The following MYH11 variants were observed in gnomAD, a reference collection of about 807,000 sequenced individuals.
The protein encoded by MYH11 is myosin-11.
In MYH11, 80 loss-of-function variants were observed where a neutral mutation model predicts 246.6. The ratio of observed to expected loss-of-function variants is 0.32; its 90% CI spans 0.27 to 0.39. MYH11 has a LOEUF of 0.39. MYH11 is among the 10% of genes least tolerant of loss of function. The pLI is 1.00. For missense variants in MYH11, 2,158 were observed against 2,546.8 expected (o/e 0.85, Z 3.29); for synonymous variants, 1,071 against 1,015.5 (o/e 1.05, Z -1.04).
At chr16:15,813,845 A>G (rs1338348860) in intron 3 of MYH11, among the ~76,000 whole-genome samples, 6 of 140,508 alleles carry the variant, frequency 4.3e-5, no homozygotes, top group South Asian at 4.4e-4. Context: ...AAGAGGGGGG[A>G]AAAGGCAAAA....
intron 31 of MYH11, among the ~76,000 whole-genome samples, chr16:15,722,435 T>C (rs1381565796): frequency 6.6e-6 from 1 of 152,142 alleles, no homozygotes; most frequent in African/African-American, 2.4e-5. Context: ...GATTATAAAT[T>C]GTAACATCCA....
intron 1 of MYH11, among the ~76,000 whole-genome samples, chr16:15,843,526 T>TAA (rs34718696): frequency 1.6e-5 from 2 of 127,914 alleles, no homozygotes; most frequent in Non-Finnish European, 3.4e-5. Flanking sequence ...CTGTCTCTAC[T>TAA]AAAAAAAAAA....
chr16:15,722,567 T>G (rs566320183), intron 31 of MYH11, among the ~76,000 whole-genome samples: 81 of 151,886 alleles, frequency 5.3e-4, no homozygotes, highest in Non-Finnish European at 9.7e-4. Flanking sequence ...AAAAGCAACC[T>G]CAGGCCTTCA....
chr16:15,737,682 C>T, intron 24 of MYH11, 62 bp from the exon 25 acceptor site: 5 of 1,588,312 alleles, frequency 3.1e-6, no homozygotes, highest in South Asian at 1.1e-5. Context: ...GGAAATGAGC[C>T]TTCCTGCCCA....
In MYH11 at chr16:15,847,265, T is replaced by TTTTTTTTTTTTTTTTTTTTTC. The variant is rs574635258; in HGVS notation, c.-17-8997_-17-8996insGAAAAAAAAAAAAAAAAAAAA. 3.4e-5 allele frequency among the ~76,000 whole-genome samples: 4 copies of TTTTTTTTTTTTTTTTTTTTTC among 116,134 alleles called. 1 individual carries two copies. Among genetic ancestry groups the TTTTTTTTTTTTTTTTTTTTTC allele is most frequent in the Non-Finnish European group, 3.9e-5 (2 of 51,080 alleles). The allele number at this position is 116,134 out of a possible 152,430, so 76.2% of individuals were successfully genotyped here. A position where few individuals can be genotyped will look rare whatever the true frequency, so the allele number is the denominator to read the frequency against. On this transcript the variant is annotated intron_variant, in intron 1 of 40. Coordinates refer to ENST00000300036, the MANE Select transcript of MYH11 (RefSeq NM_002474.3). ...GGACTTCTTTTTTTTTTTTTTTTTT[T>TTTTTTTTTTTTTTTTTTTTTC]TCTGAGACAGGGTCTTGCTCTGTCG...
chr16:15,848,255 CAG>C (rs2044248509), intron 1 of MYH11, among the ~76,000 whole-genome samples: 1 of 122,052 alleles, frequency 8.2e-6, no homozygotes, highest in African/African-American at 3.2e-5. Context: ...TTTTTTGACA[CAG>C]AGTCTCGCTC....
chr16:15,788,324 T>G (rs1330685424), intron 4 of MYH11, among the ~76,000 whole-genome samples: 1 of 151,858 alleles, frequency 6.6e-6, no homozygotes, highest in East Asian at 1.9e-4. Flanking sequence ...TGAGCTCACT[T>G]AATACTCTAA....
intron 1 of MYH11, among the ~76,000 whole-genome samples, chr16:15,843,506 C>A (rs542975883): frequency 6.8e-6 from 1 of 147,922 alleles, no homozygotes; most frequent in East Asian, 2.0e-4. Context: ...CTGGCTAACA[C>A]GGCAAAACCC....
rs1289315807 is a variant in MYH11, at chr16:15,823,327, C to A, written c.430G>T (p.Gly144Cys). The change falls in exon 3 of 41, where the codon GGC (glycine) becomes TGC (cysteine). Residue 144 changes from glycine to cysteine, a missense_variant. This residue lies in a region of MYH11 where 34 missense variants were observed against 25.6 expected (regional missense o/e 1.33). Coordinates refer to ENST00000300036, the MANE Select transcript of MYH11 (RefSeq NM_002474.3). The stretch of plus-strand genomic sequence containing the variant: ...GGCGGCATCTCGTGCCTCTTCTTGC[C>A]CTTGTACATGTCGACGATCTTCTCC... Reference protein sequence around the residue: ...YSEKIVDMYKGKKRHEMPPHI... With the variant: ...YSEKIVDMYKCKKRHEMPPHI... 1.9e-6 allele frequency: 3 copies of A among 1,614,186 alleles called. No individual in the cohort carries two copies. In the South Asian group the frequency reaches 3.3e-5, roughly 18 times the overall value.
intron 27 of MYH11, chr16:15,732,338 G>T: frequency 1.6e-6 from 1 of 630,834 alleles, no homozygotes; most frequent in Non-Finnish European, 2.8e-6. Flanking sequence ...GAGCTCAAGC[G>T]ATCCTCCCGC....
At chr16:15,728,373 C>CA (rs112415058) in intron 27 of MYH11, among the ~76,000 whole-genome samples, 3,169 of 151,008 alleles carry the variant, frequency 0.021, 116 homozygotes, top group African/African-American at 0.075. Context: ...AAAACAAAAA[C>CA]AAAAAACCAA....
intron 1 of MYH11, among the ~76,000 whole-genome samples, chr16:15,855,205 A>G (rs1213655380): frequency 6.6e-6 from 1 of 152,230 alleles, no homozygotes. Flanking sequence ...CTTCTCGGAA[A>G]AGACCCAGCT....
intron 3 of MYH11, among the ~76,000 whole-genome samples, chr16:15,820,240 G>T (rs1277596700): frequency 6.6e-6 from 1 of 152,170 alleles, no homozygotes; most frequent in African/African-American, 2.4e-5. Flanking sequence ...ACTATGGGAG[G>T]CTGAGGCGGG....
Position 15,703,756 on chromosome 16 carries a change from T to G in MYH11, c.*235A>C. ...GGTGTGTACCACCACGCCCAGCTTA[T>G]TTTTAAATTCTTGTATAGATGAGGT... On this transcript the variant is annotated 3_prime_UTR_variant, in exon 41 of 41. Transcript: ENST00000300036. 1 of 568,166 alleles carries G rather than the reference T, an allele frequency of 1.8e-6. No homozygotes were observed. The highest frequency in any genetic ancestry group is 3.1e-6 in the Non-Finnish European group (1 of 319,132). 35.2% of individuals were successfully genotyped at this position (568,166 alleles called of 1,614,324 possible).
rs535992349 is a variant in MYH11 at position 15,738,076 on chromosome 16, G to A, written c.3122-456C>T. On this transcript the variant is annotated intron_variant, in intron 24 of 40. Coordinates refer to ENST00000300036, the MANE Select transcript of MYH11 (RefSeq NM_002474.3). ...GCTGGGATTACAGGCGAGAGCCACC[G>A]CACCCAGCCCTTTTATCATATTATT... Among the ~76,000 whole-genome samples the A allele has an allele frequency of 4.2e-4, 64 of 151,462 alleles. 1 individual carries two copies. The South Asian group carries it at 0.014, about 32-fold the overall frequency.
At chr16:15,728,398 C>G (rs781602461) in intron 27 of MYH11, among the ~76,000 whole-genome samples, 2 of 152,192 alleles carry the variant, frequency 1.3e-5, no homozygotes, top group Non-Finnish European at 2.9e-5. Flanking sequence ...AACGAAAGAT[C>G]TGGAAACAGA....
intron 2 of MYH11, among the ~76,000 whole-genome samples, chr16:15,836,719 CTTTTTTTT>C (rs780997939): frequency 1.1e-5 from 1 of 95,122 alleles, no homozygotes; most frequent in African/African-American, 4.0e-5. Context: ...TTTAATGTTT[CTTTTTTTT>C]TTTTTTTTTT....
chr16:15,721,345 C>T, intron 32 of MYH11, 77 bp downstream of exon 32: 16 of 1,490,632 alleles, frequency 1.1e-5, no homozygotes, highest in African/African-American at 1.4e-5. Flanking sequence ...CAGGAGCTAG[C>T]CTCGCATGGA....
At chr16:15,807,240 G>A (rs1486626714) in intron 3 of MYH11, among the ~76,000 whole-genome samples, 2 of 151,942 alleles carry the variant, frequency 1.3e-5, no homozygotes, top group Non-Finnish European at 2.9e-5. Flanking sequence ...TGATCCTCCC[G>A]CCTTGGCCTC....
Sources: gnomAD v4.1 joint callset for allele counts (sites outside exome capture counted in the v4.1 genomes callset) on GRCh38, gnomAD v4.1.1 for gene constraint, gnomAD v4.1.1 regional missense constraint, MANE v1.5 for transcripts, NCBI Gene and HGNC (gene_info 2026-07-23, HGNC 2026-07-21) for gene names.